AHCYL2: variants seen among roughly 807,000 people sequenced by gnomAD.
The protein encoded by AHCYL2 is adenosylhomocysteinase like 2.
In AHCYL2, 28 loss-of-function variants were observed where a neutral mutation model predicts 81.4. That is an observed-to-expected ratio of 0.34 (90% CI 0.25 to 0.47). The LOEUF is 0.47. AHCYL2 is among the 20% of genes least tolerant of loss of function. The pLI, the probability that AHCYL2 is intolerant of heterozygous loss-of-function variation, is 1.00. For synonymous variants in AHCYL2, 272 were observed against 290.2 expected (o/e 0.94, Z 0.64); for missense variants, 551 against 785.1 (o/e 0.70, Z 3.56).
At position 129,361,009 on chromosome 7, in the gene AHCYL2, A is replaced by G. The variant is rs530025680; in HGVS notation, c.364-18629A>G. On this transcript the variant is annotated intron_variant, in intron 1 of 16. Coordinates refer to ENST00000325006, the MANE Select transcript of AHCYL2 (RefSeq NM_015328.4). ...CTTTTCAAAGTGTTGTCCCAGCCAT[A>G]TTGTCATCATCTCAGAGCTATTCAA... is the stretch of plus-strand genomic sequence containing the variant. Among the ~76,000 whole-genome samples the G allele has an allele frequency of 3.6e-4, 55 of 152,322 alleles. 1 individual carries two copies. The highest frequency in any genetic ancestry group is 1.2e-3 in the Admixed American group (19 of 15,306).
At chr7:129,389,850 A>AGC in intron 4 of AHCYL2, 116 bp downstream of exon 4, 1 of 743,560 alleles carries the variant, frequency 1.3e-6, no homozygotes, top group South Asian at 2.3e-5. Context: ...TAGCTTATTA[A>AGC]TCCTTATAAT....
intron 5 of AHCYL2, among the ~76,000 whole-genome samples, chr7:129,400,057 C>G (rs1795954505): frequency 6.6e-6 from 1 of 152,086 alleles, no homozygotes; most frequent in Non-Finnish European, 1.5e-5. Context: ...AACTGTCATA[C>G]TTTTGTCCAT....
Position 129,422,889 on chromosome 7 carries a change from T to C in AHCYL2, c.1511T>C (p.Val504Ala), listed in dbSNP as rs1430023845. ...ELTWERVRSQ[V>A]DHVIWPDGKR... ...ACCTGGGAGCGAGTGAGATCTCAAG[T>C]TGACCATGTGATATGGCCTGATGGC... The change falls in exon 13 of 17, where the codon GTT (valine) becomes GCT (alanine). Residue 504 changes from valine (V) to alanine (A), a missense_variant. Around this residue, in one of 2 missense-constraint regions of AHCYL2, gnomAD observed 316 missense variants for 543.1 expected, o/e 0.58. Transcript: ENST00000325006. 3 of 1,614,168 alleles carry C rather than the reference T, an allele frequency of 1.9e-6. No individual in the cohort carries two copies. Among genetic ancestry groups the C allele is most frequent in the Non-Finnish European group, 1.7e-6 (2 of 1,180,022 alleles).
intron 2 of AHCYL2, among the ~76,000 whole-genome samples, chr7:129,381,273 C>G (rs1174154638): frequency 1.3e-5 from 2 of 152,052 alleles, no homozygotes; most frequent in Admixed American, 1.3e-4. Context: ...CAACTATATT[C>G]CTGCAGAGGA....
intron 1 of AHCYL2, among the ~76,000 whole-genome samples, chr7:129,310,526 C>T (rs1369377266): frequency 6.6e-6 from 1 of 151,910 alleles, no homozygotes; most frequent in African/African-American, 2.4e-5. Flanking sequence ...GTGTGGTATT[C>T]CAAAAAGAAG....
In AHCYL2 at chr7:129,225,037, G is replaced by C. The variant is rs753115785; in HGVS notation, c.-40G>C. ...TGGGAGGCGGGGCCGACCAAGAGCA[G>C]GAGCTGGAGTCTGAGCCGGTGGTTG... On this transcript the variant is annotated 5_prime_UTR_variant, in exon 1 of 17. Transcript: ENST00000325006. 1 of 1,561,898 alleles carries C rather than the reference G, an allele frequency of 6.4e-7. No homozygotes were observed.
At chr7:129,370,288 TG>T (rs1794318705) in intron 1 of AHCYL2, among the ~76,000 whole-genome samples, 1 of 152,236 alleles carries the variant, frequency 6.6e-6, no homozygotes, top group South Asian at 2.1e-4. Context: ...CTAAAGGAGT[TG>T]GTGTGACCAC....
intron 1 of AHCYL2, among the ~76,000 whole-genome samples, chr7:129,317,335 TC>T (rs2150783046): frequency 6.6e-6 from 1 of 152,304 alleles, no homozygotes; most frequent in Non-Finnish European, 1.5e-5. Context: ...TATCTTATGC[TC>T]CCTGTGTCAG....
intron 1 of AHCYL2, among the ~76,000 whole-genome samples, chr7:129,247,182 T>C (rs1274033479): frequency 6.6e-6 from 1 of 152,258 alleles, no homozygotes; most frequent in Admixed American, 6.5e-5. Context: ...TGATGTTAGA[T>C]TCCCACCAGC....
rs115941476 is a variant in AHCYL2 at position 129,320,752 on chromosome 7, T to A, written c.364-58886T>A. On this transcript the variant is annotated intron_variant, in intron 1 of 16. Coordinates refer to ENST00000325006, the MANE Select transcript of AHCYL2 (RefSeq NM_015328.4). ...ATTCCAGAACATTTTTGCCATCCTC[T>A]AAATAAATTCCCCTACCCATTAGTG... 2.3e-3 allele frequency among the ~76,000 whole-genome samples: 353 copies of A among 152,324 alleles called. 3 individuals are homozygous for A. Among genetic ancestry groups the A allele is most frequent in the African/African-American group, 8.3e-3 (343 of 41,574 alleles).
rs1797008064 is a variant in AHCYL2 at position 129,419,387 on chromosome 7, C to A, written c.1462-3453C>A. On this transcript the variant is annotated intron_variant, in intron 12 of 16. Coordinates refer to ENST00000325006, the MANE Select transcript of AHCYL2 (RefSeq NM_015328.4). This position sits in a 1 kb window ranked among gnomAD's most constrained non-coding sequence, Gnocchi z 4.7. ...TGACCAACATGGTGAAACGCCATAT[C>A]TACTAAAAATACAAAAATTAGCTGG... is the stretch of plus-strand genomic sequence containing the variant. Among the ~76,000 whole-genome samples the A allele has an allele frequency of 6.6e-6, 1 of 152,138 alleles. No homozygotes were observed. The highest frequency in any genetic ancestry group is 6.5e-5 in the Admixed American group (1 of 15,278).
chr7:129,229,450 C>G (rs900033660), intron 1 of AHCYL2, among the ~76,000 whole-genome samples: 9 of 152,096 alleles, frequency 5.9e-5, no homozygotes, highest in Non-Finnish European at 1.3e-4. Context: ...TTTATAGATG[C>G]AGAAATGAGA....
intron 11 of AHCYL2, among the ~76,000 whole-genome samples, chr7:129,410,942 T>A (rs894562428): frequency 6.6e-6 from 1 of 152,162 alleles, no homozygotes; most frequent in Non-Finnish European, 1.5e-5. Flanking sequence ...TCTCTTTTGT[T>A]GTTTTAAATA....
intron 11 of AHCYL2, 39 bp downstream of exon 11, chr7:129,409,585 A>G: frequency 6.6e-7 from 1 of 1,513,180 alleles, no homozygotes. Flanking sequence ...GCACTTGGGA[A>G]TGTTTTTATG....
chr7:129,372,463 G>C (rs746378169), intron 1 of AHCYL2, among the ~76,000 whole-genome samples: 11 of 152,036 alleles, frequency 7.2e-5, no homozygotes, highest in South Asian at 2.1e-4. Flanking sequence ...CTTAAGTTAC[G>C]GAAAGCAGAA....
chr7:129,248,660 C>T (rs1402101648), intron 1 of AHCYL2, among the ~76,000 whole-genome samples: 3 of 145,144 alleles, frequency 2.1e-5, no homozygotes, highest in East Asian at 2.0e-4. Context: ...GTATCCAAGT[C>T]CTTTGAATTT....
chr7:129,264,854 A>G (rs1245867941), intron 1 of AHCYL2, among the ~76,000 whole-genome samples: 1 of 152,222 alleles, frequency 6.6e-6, no homozygotes, highest in Non-Finnish European at 1.5e-5. Flanking sequence ...GGCAATATGC[A>G]TTGGAAAAAC....
At chr7:129,413,723 T>C (rs1166240503) in intron 12 of AHCYL2, 35 bp downstream of exon 12, 1 of 1,570,310 alleles carries the variant, frequency 6.4e-7, no homozygotes, top group Non-Finnish European at 8.8e-7. Flanking sequence ...GGGGCTTTTT[T>C]CTCTCCTTCA....
chr7:129,276,092 A>G (rs1584732979), intron 1 of AHCYL2, among the ~76,000 whole-genome samples: 1 of 152,132 alleles, frequency 6.6e-6, no homozygotes, highest in South Asian at 2.1e-4. Context: ...ATAATTTTAT[A>G]TATTTGGAAA....
Sources: gnomAD v4.1 joint callset for allele counts (sites outside exome capture counted in the v4.1 genomes callset) on GRCh38, gnomAD v4.1.1 for gene constraint, gnomAD v4.1.1 regional missense constraint, Gnocchi (gnomAD v3.1) non-coding constraint, MANE v1.5 for transcripts, NCBI Gene and HGNC (gene_info 2026-07-23, HGNC 2026-07-21) for gene names.